The following SHISA9 variants were observed in gnomAD, a reference collection of about 807,000 sequenced individuals.
SHISA9 encodes shisa family member 9.
Under a neutral mutation model 38.0 loss-of-function variants are expected in SHISA9, and 13 were observed. The ratio of observed to expected loss-of-function variants is 0.34; its 90% CI spans 0.22 to 0.54. The LOEUF (loss-of-function observed/expected upper bound fraction) is 0.54. Ranked by LOEUF, SHISA9 falls within the 20% of genes least tolerant of loss-of-function variation. The pLI is 0.91. For synonymous variants in SHISA9, 275 were observed against 242.0 expected (o/e 1.14, Z -1.27); for missense variants, 538 against 575.8 (o/e 0.93, Z 0.67).
At chr16:13,148,477 C>T (rs573536583) in intron 2 of SHISA9, among the ~76,000 whole-genome samples, 186 of 152,188 alleles carry the variant, frequency 1.2e-3, no homozygotes, top group African/African-American at 4.1e-3. Context: ...ATATATACCT[C>T]ACACTCACCT....
chr16:13,061,308 G>A (rs1185376492), intron 2 of SHISA9, among the ~76,000 whole-genome samples: 1 of 152,188 alleles, frequency 6.6e-6, no homozygotes, highest in African/African-American at 2.4e-5. Flanking sequence ...CTACACAGAT[G>A]TCAAAATAAT....
the SHISA9 span, among the ~76,000 whole-genome samples, chr16:13,382,100 AG>A: frequency 6.6e-6 from 1 of 152,218 alleles, no homozygotes. Context: ...AAATTTTGGA[AG>A]TGTATTGATA....
At chr16:12,926,974 C>T (rs892917623) in intron 2 of SHISA9, among the ~76,000 whole-genome samples, 1 of 152,090 alleles carries the variant, frequency 6.6e-6, no homozygotes, top group Non-Finnish European at 1.5e-5. Context: ...AATAAGAATG[C>T]CAGGTCGGCC....
intron 2 of SHISA9, among the ~76,000 whole-genome samples, chr16:13,054,458 C>T (rs537385735): frequency 2.0e-5 from 3 of 152,304 alleles, no homozygotes; most frequent in East Asian, 3.9e-4. Flanking sequence ...CCCGATATTT[C>T]TAGGAACCAA....
the SHISA9 span, among the ~76,000 whole-genome samples, chr16:13,395,920 T>A: frequency 6.6e-6 from 1 of 152,316 alleles, no homozygotes; most frequent in South Asian, 2.1e-4. Flanking sequence ...GTGTTCAGGG[T>A]CACTTCAAAG....
chr16:13,527,973 A>C, the SHISA9 span, among the ~76,000 whole-genome samples: 2 of 152,138 alleles, frequency 1.3e-5, no homozygotes. Context: ...CACTCAATAG[A>C]CTGTGTCATC....
At chr16:12,926,178 C>A (rs1299840948) in intron 2 of SHISA9, among the ~76,000 whole-genome samples, 2 of 152,202 alleles carry the variant, frequency 1.3e-5, no homozygotes, top group South Asian at 4.1e-4. Flanking sequence ...CAGACATGAA[C>A]TATGTCTACC....
chr16:12,978,575 A>G (rs1567170871), intron 2 of SHISA9, among the ~76,000 whole-genome samples: 1 of 152,222 alleles, frequency 6.6e-6, no homozygotes, highest in Non-Finnish European at 1.5e-5. Flanking sequence ...AAGGACATCA[A>G]TATTTGCTTC....
chr16:13,121,844 CACA>C (rs2141978502), intron 2 of SHISA9, among the ~76,000 whole-genome samples: 1 of 99,518 alleles, frequency 1.0e-5, no homozygotes, highest in South Asian at 4.2e-4. Flanking sequence ...CACACACACA[CACA>C]CACACACACA....
intron 2 of SHISA9, among the ~76,000 whole-genome samples, chr16:13,139,776 A>C (rs560315418): frequency 1.2e-4 from 19 of 152,304 alleles, no homozygotes; most frequent in Non-Finnish European, 1.5e-4. Context: ...AAACAAGACA[A>C]GTCAGGTTAG....
chr16:13,309,445 C>G, the SHISA9 span, among the ~76,000 whole-genome samples: 3 of 151,920 alleles, frequency 2.0e-5, no homozygotes, highest in African/African-American at 7.3e-5. Context: ...AAGTTTGAGA[C>G]CACCCTGGCC....
chr16:13,536,716 C>A, the SHISA9 span, among the ~76,000 whole-genome samples: 1 of 152,134 alleles, frequency 6.6e-6, no homozygotes, highest in Admixed American at 6.5e-5. Context: ...TGTGCATGTA[C>A]AAGGCACATA....
intron 2 of SHISA9, among the ~76,000 whole-genome samples, chr16:13,100,296 C>A (rs1294121942): frequency 6.6e-6 from 1 of 152,158 alleles, no homozygotes; most frequent in African/African-American, 2.4e-5. Context: ...AGGATTTGGG[C>A]TTTGTTTTAT....
chr16:13,469,365 AAAAGAAAGAAAGAAAGAAAGAAAG>A, the SHISA9 span, among the ~76,000 whole-genome samples: 337 of 64,498 alleles, frequency 5.2e-3, no homozygotes, highest in South Asian at 0.017. Flanking sequence ...AAAGAAAAGA[AAAAGAAAGAAAGAAAGAAAGAAAG>A]AAAGAAAGAA....
chr16:13,291,896 A>T, the SHISA9 span, among the ~76,000 whole-genome samples: 1 of 152,318 alleles, frequency 6.6e-6, no homozygotes, highest in Middle Eastern at 3.4e-3. Context: ...ATCACAACAC[A>T]TGACTACTGC....
the SHISA9 span, among the ~76,000 whole-genome samples, chr16:13,561,281 G>C: frequency 2.0e-5 from 3 of 152,200 alleles, no homozygotes; most frequent in Non-Finnish European, 4.4e-5. Context: ...TCCAGTGACT[G>C]TCTTTGAGAG....
In SHISA9 at chr16:13,127,371, GAA is replaced by G. The variant is rs1420626272; in HGVS notation, c.692-76020_692-76019del. Among the ~76,000 whole-genome samples, 12 of 127,982 alleles carry G rather than the reference GAA, an allele frequency of 9.4e-5. No individual in the cohort carries two copies. In the Admixed American group the frequency reaches 9.4e-4, roughly 10 times the overall value. 84.0% of individuals were successfully genotyped at this position (127,982 alleles called of 152,430 possible). ...GGAGGGAGAAGGAGGGAAGGAGAGA[GAA>G]AAGAGAGGGAGGGAGAGAGAGGAAG... On this transcript the variant is annotated intron_variant, in intron 2 of 4. Coordinates refer to ENST00000558583, the MANE Select transcript of SHISA9 (RefSeq NM_001145204.3).
At chr16:13,414,399 G>A in the SHISA9 span, among the ~76,000 whole-genome samples, 3 of 152,136 alleles carry the variant, frequency 2.0e-5, no homozygotes, top group Non-Finnish European at 4.4e-5. Flanking sequence ...CTAGCACACA[G>A]GGAGAAAATG....
At chr16:13,533,823 G>A in the SHISA9 span, among the ~76,000 whole-genome samples, 2 of 135,468 alleles carry the variant, frequency 1.5e-5, no homozygotes, top group African/African-American at 2.8e-5. Context: ...TCGCTGTATC[G>A]CCTAGGCTGG....
Sources: allele counts gnomAD v4.1 joint callset (sites outside exome capture counted in the v4.1 genomes callset), GRCh38; gene constraint gnomAD v4.1.1; transcripts MANE v1.5; gene names NCBI Gene and HGNC (gene_info 2026-07-23, HGNC 2026-07-21).